The following GPR176 variants were observed in gnomAD, a reference collection of about 807,000 sequenced individuals.
The protein encoded by GPR176 is G-protein coupled receptor 176.
In GPR176, 26 loss-of-function variants were observed where a neutral mutation model predicts 35.4. The observed-to-expected ratio is 0.74, with a 90% CI of 0.54 to 1.02. The LOEUF (loss-of-function observed/expected upper bound fraction) is 1.02, where lower values mean the gene tolerates loss of function less well. GPR176 is among the 50% of genes least tolerant of loss of function. The pLI is 0.00. For missense variants in GPR176, 597 were observed against 665.3 expected, an observed-to-expected ratio of 0.90 and a Z score of 1.13; for synonymous variants, 278 against 271.3, an observed-to-expected ratio of 1.02 and a Z score of -0.24.
intron 1 of GPR176, among the ~76,000 whole-genome samples, chr15:39,851,455 C>T (rs1278962096): frequency 6.6e-6 from 1 of 152,122 alleles, no homozygotes; most frequent in Non-Finnish European, 1.5e-5. Flanking sequence ...TTTTTTTCCA[C>T]TCAAACTGAT....
intron 1 of GPR176, among the ~76,000 whole-genome samples, chr15:39,912,845 G>C (rs1425094379): frequency 1.3e-5 from 2 of 152,070 alleles, no homozygotes; most frequent in Non-Finnish European, 2.9e-5. Context: ...TCTACAAAAT[G>C]TCACCAAATA....
In GPR176 at chr15:39,912,632, A is replaced by C. The variant is rs866797232; in HGVS notation, c.172+7223T>G. 9.9e-5 allele frequency among the ~76,000 whole-genome samples: 15 copies of C among 151,690 alleles called. 1 individual carries two copies. The South Asian group carries it at 3.1e-3, about 32-fold the overall frequency. On this transcript the variant is annotated intron_variant, in intron 1 of 2. Transcript: ENST00000561100. ...GACCCTGTCTCAAAAAAAAAAAAAAACGAAAAGAAAAGGAAAAAACAACCT... is the reference window on the plus strand; with the variant it reads ...GACCCTGTCTCAAAAAAAAAAAAAACCGAAAAGAAAAGGAAAAAACAACCT...
intron 1 of GPR176, among the ~76,000 whole-genome samples, chr15:39,808,166 C>G (rs1334411743): frequency 6.6e-6 from 1 of 152,180 alleles, no homozygotes; most frequent in Non-Finnish European, 1.5e-5. Flanking sequence ...AATTTTCCAT[C>G]AAAATGCTGA....
At chr15:39,847,742 C>CAAAAAAAAAAAAAAAAAAAAA (rs34896644) in intron 1 of GPR176, among the ~76,000 whole-genome samples, 1 of 68,830 alleles carries the variant, frequency 1.5e-5, no homozygotes, top group Non-Finnish European at 2.6e-5. Flanking sequence ...GACTCTGTCT[C>CAAAAAAAAAAAAAAAAAAAAA]AAAAAAAAAA....
chr15:39,909,122 G>T (rs544346543), intron 1 of GPR176, among the ~76,000 whole-genome samples: 10 of 152,318 alleles, frequency 6.6e-5, no homozygotes, highest in African/African-American at 2.4e-4. Context: ...GGCTTGCAGT[G>T]AGGGTGCAGG....
At chr15:39,877,088 T>A (rs896215372) in intron 1 of GPR176, among the ~76,000 whole-genome samples, 1 of 152,154 alleles carries the variant, frequency 6.6e-6, no homozygotes, top group Non-Finnish European at 1.5e-5. Flanking sequence ...AAAAGTCTCA[T>A]AAGAAAACCC....
At chr15:39,870,838 T>G (rs1457953211) in intron 1 of GPR176, among the ~76,000 whole-genome samples, 1 of 152,076 alleles carries the variant, frequency 6.6e-6, no homozygotes, top group Non-Finnish European at 1.5e-5. Context: ...TCTAGGAGCT[T>G]AGAGTCCCAG....
intron 1 of GPR176, among the ~76,000 whole-genome samples, chr15:39,833,710 T>C (rs1901233320): frequency 6.6e-6 from 1 of 152,188 alleles, no homozygotes; most frequent in Non-Finnish European, 1.5e-5. Context: ...AGTACATTAC[T>C]GAAGATATGA....
chr15:39,831,882 C>CA (rs1901097377), intron 1 of GPR176, among the ~76,000 whole-genome samples: 1 of 152,056 alleles, frequency 6.6e-6, no homozygotes, highest in Non-Finnish European at 1.5e-5. Flanking sequence ...TCATTGACTT[C>CA]CCTTATCACT....
At chr15:39,838,416 C>G (rs555318964) in intron 1 of GPR176, among the ~76,000 whole-genome samples, 1 of 152,142 alleles carries the variant, frequency 6.6e-6, no homozygotes, top group Non-Finnish European at 1.5e-5. Context: ...TCTAAGATGA[C>G]TTACTGATTC....
At chr15:39,877,233 C>T (rs1180971718) in intron 1 of GPR176, among the ~76,000 whole-genome samples, 1 of 152,074 alleles carries the variant, frequency 6.6e-6, no homozygotes, top group Non-Finnish European at 1.5e-5. Context: ...ATCAAAGTTA[C>T]TGTTGCCAGA....
chr15:39,908,781 C>T lies in GPR176; in HGVS notation c.172+11074G>A, dbSNP rs542589748. Among the ~76,000 whole-genome samples the T allele has an allele frequency of 1.2e-4, 18 of 152,194 alleles. 1 individual carries two copies. Among genetic ancestry groups the T allele is most frequent in the South Asian group, 1.0e-3 (5 of 4,816 alleles). On this transcript the variant is annotated intron_variant, in intron 1 of 2. Transcript: ENST00000561100. ...TATCAGCCCCTGTGGAAAAAGATGG[C>T]GCCTTTAGCAACATCTCTATATCAA...
chr15:39,809,955 C>T (rs1899435921), intron 1 of GPR176, among the ~76,000 whole-genome samples: 2 of 152,004 alleles, frequency 1.3e-5, no homozygotes, highest in Non-Finnish European at 2.9e-5. Flanking sequence ...ACCATCCTGG[C>T]TAACATGGTG....
At chr15:39,892,323 A>T (rs1173668542) in intron 1 of GPR176, among the ~76,000 whole-genome samples, 1 of 144,270 alleles carries the variant, frequency 6.9e-6, no homozygotes, top group Non-Finnish European at 1.5e-5. Context: ...AGGCATGGGA[A>T]GCCTACTGTA....
chr15:39,807,228 C>T lies in GPR176; in HGVS notation c.203G>A (p.Arg68His), dbSNP rs377756503. Residue 68 changes from arginine to histidine, a missense_variant, in exon 2 of 3, where the codon CGC becomes CAC. Around this residue, in one of 3 missense-constraint regions of GPR176, gnomAD observed 126 missense variants for 112.4 expected, o/e 1.12. Coordinates refer to ENST00000561100, the MANE Select transcript of GPR176 (RefSeq NM_007223.3). The part of the protein sequence containing the change: ...GNFMVLWSTC[R>H]TTVFKSVTNR... ...GGTGACAGATTTGAACACGGTTGTG[C>T]GGCAAGTTGACCATAACACCATGAA... 1.4e-5 allele frequency: 22 copies of T among 1,604,472 alleles called. No homozygotes were observed. Among genetic ancestry groups the T allele is most frequent in the Middle Eastern group, 1.7e-4 (1 of 6,036 alleles).
chr15:39,817,497 A>G (rs1021625504), intron 1 of GPR176, among the ~76,000 whole-genome samples: 3 of 152,230 alleles, frequency 2.0e-5, no homozygotes, highest in Admixed American at 2.0e-4. Context: ...TTAAAATAAA[A>G]CAAGTTTAAA....
chr15:39,810,135 GT>G (rs1899454347), intron 1 of GPR176, among the ~76,000 whole-genome samples: 1 of 138,838 alleles, frequency 7.2e-6, no homozygotes, highest in East Asian at 2.1e-4. Flanking sequence ...GTGAGACTCC[GT>G]CTCAAAAAAA....
At chr15:39,889,090 G>C (rs1196355673) in intron 1 of GPR176, among the ~76,000 whole-genome samples, 6 of 152,172 alleles carry the variant, frequency 3.9e-5, no homozygotes, top group Non-Finnish European at 8.8e-5. Context: ...TCTACCATGA[G>C]TTTCCCATGT....
intron 1 of GPR176, among the ~76,000 whole-genome samples, chr15:39,892,115 A>G (rs1037132885): frequency 6.6e-6 from 1 of 152,214 alleles, no homozygotes; most frequent in Admixed American, 6.5e-5. Context: ...TGCTATAGGG[A>G]AAAAGAAAGT....
Sources: allele counts gnomAD v4.1 joint callset (sites outside exome capture counted in the v4.1 genomes callset), GRCh38; gene constraint gnomAD v4.1.1; regional missense constraint gnomAD v4.1.1; transcripts MANE v1.5; gene names NCBI Gene and HGNC (gene_info 2026-07-23, HGNC 2026-07-21).